ADGRE1: variants seen among roughly 807,000 people sequenced by gnomAD.
ADGRE1 encodes the protein EGF-like module receptor 1.
A neutral mutation model predicts 102.7 loss-of-function variants in ADGRE1; 82 were observed. The observed-to-expected ratio is 0.80, with a 90% confidence interval of 0.67 to 0.96. The LOEUF (loss-of-function observed/expected upper bound fraction) is 0.96. Among genes scored for constraint, ADGRE1 ranks in the 40% least tolerant of loss-of-function variants. The pLI is 0.00. For synonymous variants in ADGRE1, 398 were observed against 399.6 expected (o/e 1.00, Z 0.05); for missense variants, 1,032 against 1,085.3 (o/e 0.95, Z 0.69).
chr19:6,890,372 A>ATTTCTGT lies in ADGRE1; in HGVS notation c.32-108_32-102dup. The ATTTCTGT allele has an allele frequency of 4.7e-6, 5 of 1,061,116 alleles. No homozygotes were observed. The South Asian group carries it at 7.8e-5, about 17-fold the overall frequency. 65.7% of individuals were successfully genotyped at this position (1,061,116 alleles called of 1,614,324 possible). A position where few individuals can be genotyped will look rare whatever the true frequency, so the allele number is the denominator to read the frequency against. On this transcript the variant is annotated intron_variant, in intron 1 of 20. Coordinates refer to ENST00000312053, the MANE Select transcript of ADGRE1 (RefSeq NM_001974.5). ...TTTGTCATCTAGCCTCTTCAAACCT[A>ATTTCTGT]TTTCTGTGGGGCCAAGCCAGGAGTA...
intron 14 of ADGRE1, among the ~76,000 whole-genome samples, chr19:6,922,420 C>T (rs1028572257): frequency 6.6e-6 from 1 of 151,640 alleles, no homozygotes; most frequent in Non-Finnish European, 1.5e-5. Flanking sequence ...TCGAGACCAT[C>T]CTGGCCAACA....
intron 6 of ADGRE1, 117 bp downstream of exon 6, chr19:6,902,138 A>T: frequency 7.6e-7 from 1 of 1,315,396 alleles, no homozygotes; most frequent in Non-Finnish European, 1.1e-6. Flanking sequence ...TCTGAAGCCA[A>T]TAATCATTCA....
At chr19:6,896,307 A>G in intron 2 of ADGRE1, 91 bp from the exon 3 acceptor site, 3 of 1,325,834 alleles carry the variant, frequency 2.3e-6, no homozygotes, top group Non-Finnish European at 3.2e-6. Context: ...CCAACCCATA[A>G]CAGTCACCTC....
chr19:6,906,597 C>A (rs1452679748), intron 9 of ADGRE1, 76 bp downstream of exon 9: 10 of 1,358,638 alleles, frequency 7.4e-6, no homozygotes, highest in Non-Finnish European at 9.3e-6. Flanking sequence ...TTTTGCAGTT[C>A]TAACAAAGGC....
At position 6,921,710 on chromosome 19, in the gene ADGRE1, T is replaced by TC; in HGVS notation, c.1621-3_1621-2insC. 6.3e-7 allele frequency: 1 copy of TC among 1,585,002 alleles called. No homozygotes were observed. ...TGTTTTTTTGTTTTTTTGTTTTTTT[T>TC]AGCCAAAGCAGAAGTTTGAGAGGCC... On this transcript the variant is annotated splice_region_variant and splice_polypyrimidine_tract_variant and intron_variant, in intron 13 of 20. Coordinates refer to ENST00000312053, the MANE Select transcript of ADGRE1 (RefSeq NM_001974.5).
chr19:6,937,771 A>C, intron 20 of ADGRE1, 123 bp downstream of exon 20: 18 of 739,258 alleles, frequency 2.4e-5, no homozygotes, highest in Non-Finnish European at 4.1e-5. Context: ...TAGTTAGCTC[A>C]TGGATGAAGT....
intron 2 of ADGRE1, among the ~76,000 whole-genome samples, chr19:6,893,293 G>A (rs1266556727): frequency 6.6e-6 from 1 of 152,146 alleles, no homozygotes; most frequent in Non-Finnish European, 1.5e-5. Flanking sequence ...CGCCTCCCCA[G>A]TTCAAGTGAT....
chr19:6,930,547 C>T (rs933422506), intron 17 of ADGRE1, among the ~76,000 whole-genome samples: 25 of 152,158 alleles, frequency 1.6e-4, no homozygotes, highest in Admixed American at 4.6e-4. Context: ...TCAGAGTCAA[C>T]GAGGTATCTG....
In ADGRE1 at chr19:6,911,385, G is replaced by GTTTTTTTTTTTTTTTTTTTT. The variant is rs772959056; in HGVS notation, c.1123-2267_1123-2248dup. 5.9e-4 allele frequency among the ~76,000 whole-genome samples: 47 copies of GTTTTTTTTTTTTTTTTTTTT among 79,850 alleles called. 5 individuals carry two copies. The highest frequency in any genetic ancestry group is 1.1e-3 in the South Asian group (2 of 1,782). The allele number at this position is 79,850 out of a possible 152,430, so 52.4% of individuals were successfully genotyped here. A position where few individuals can be genotyped will look rare whatever the true frequency, so the allele number is the denominator to read the frequency against. ...TTTATTAGGTTCTGGATTCCTTTTAGTTTTTTTTTTTTTTTTTTTTGCTTG... is the reference window on the plus strand; with the variant it reads ...TTTATTAGGTTCTGGATTCCTTTTAGTTTTTTTTTTTTTTTTTTTTTTTTTTTTTTTTTTTTTTTTGCTTG... On this transcript the variant is annotated intron_variant, in intron 10 of 20. Transcript: ENST00000312053.
intron 17 of ADGRE1, 96 bp downstream of exon 17, chr19:6,928,307 G>C: frequency 6.2e-7 from 1 of 1,606,144 alleles, no homozygotes; most frequent in South Asian, 1.1e-5. Flanking sequence ...GTGCAGCTGA[G>C]AGGGTCACTT....
chr19:6,894,186 G>A (rs536527816), intron 2 of ADGRE1, among the ~76,000 whole-genome samples: 1 of 152,106 alleles, frequency 6.6e-6, no homozygotes, highest in Non-Finnish European at 1.5e-5. Flanking sequence ...CATATTCACA[G>A]GTTCCAGGGA....
Position 6,896,393 on chromosome 19 carries a change from C to T in ADGRE1, c.95-5C>T, listed in dbSNP as rs1030052750. On this transcript the variant is annotated splice_polypyrimidine_tract_variant and splice_region_variant and intron_variant, in intron 2 of 20. Transcript: ENST00000312053. ...TGTCTAAACTTTTCTTTATACACTG[C>T]CTAGGTAATAACTGTAGAGACAGTA... The T allele has an allele frequency of 6.2e-7, 1 of 1,613,554 alleles. No homozygotes were observed. The highest frequency in any genetic ancestry group is 1.1e-5 in the South Asian group (1 of 91,032).
chr19:6,919,285 T>C (rs113388744), intron 12 of ADGRE1, among the ~76,000 whole-genome samples: 63 of 150,488 alleles, frequency 4.2e-4, no homozygotes, highest in African/African-American at 1.5e-3. Flanking sequence ...CCCGCCTTGG[T>C]CTCCCAAAGT....
At chr19:6,932,233 C>T (rs1220648996) in intron 17 of ADGRE1, among the ~76,000 whole-genome samples, 1 of 152,110 alleles carries the variant, frequency 6.6e-6, no homozygotes, top group African/African-American at 2.4e-5. Context: ...CTTTGGGAGG[C>T]TGAGGCAGGC....
At chr19:6,917,594 G>A (rs757560695) in intron 12 of ADGRE1, among the ~76,000 whole-genome samples, 3 of 152,036 alleles carry the variant, frequency 2.0e-5, no homozygotes, top group African/African-American at 4.8e-5. Context: ...TAAAGAATGA[G>A]CCTGGTGTGG....
At chr19:6,920,412 G>A (rs1486017213) in intron 13 of ADGRE1, among the ~76,000 whole-genome samples, 1 of 150,988 alleles carries the variant, frequency 6.6e-6, no homozygotes, top group East Asian at 1.9e-4. Flanking sequence ...GTGCAGACGG[G>A]GTTTCACCAT....
At chr19:6,910,002 G>A (rs959291861) in intron 10 of ADGRE1, among the ~76,000 whole-genome samples, 5 of 109,932 alleles carry the variant, frequency 4.5e-5, no homozygotes, top group Non-Finnish European at 8.5e-5. Flanking sequence ...CCAAAGTGCT[G>A]GGATTAGAGG....
intron 11 of ADGRE1, among the ~76,000 whole-genome samples, chr19:6,915,846 G>A (rs753817435): frequency 1.3e-4 from 20 of 150,828 alleles, no homozygotes; most frequent in Admixed American, 2.6e-4. Flanking sequence ...GCGTGAACCC[G>A]GGAGGCAGAG....
At chr19:6,933,190 C>T (rs1010057617) in intron 17 of ADGRE1, among the ~76,000 whole-genome samples, 1 of 152,188 alleles carries the variant, frequency 6.6e-6, no homozygotes, top group Non-Finnish European at 1.5e-5. Context: ...CATTGCACTC[C>T]AGCCTGGGAG....
Sources: allele counts gnomAD v4.1 joint callset (sites outside exome capture counted in the v4.1 genomes callset), GRCh38; gene constraint gnomAD v4.1.1; transcripts MANE v1.5; gene names NCBI Gene and HGNC (gene_info 2026-07-23, HGNC 2026-07-21).